SNAPC1: variants seen among roughly 807,000 people sequenced by gnomAD.
The protein encoded by SNAPC1 is snRNA-activating protein complex subunit 1.
In SNAPC1, 42 loss-of-function variants were observed where a neutral mutation model predicts 50.1. The observed-to-expected ratio is 0.84, with a 90% CI of 0.65 to 1.08. The LOEUF is 1.08. Ranked by LOEUF, SNAPC1 falls within the 50% of genes least tolerant of loss-of-function variation. SNAPC1 has a pLI of 0.00. For synonymous variants in SNAPC1, 164 were observed against 144.2 expected, an observed-to-expected ratio of 1.14 and a Z score of -0.98; for missense variants, 477 against 427.3, an observed-to-expected ratio of 1.12 and a Z score of -1.02.
At chr14:61,777,867 G>T (rs1232029046) in intron 5 of SNAPC1, among the ~76,000 whole-genome samples, 1 of 152,074 alleles carries the variant, frequency 6.6e-6, no homozygotes, top group Non-Finnish European at 1.5e-5. Context: ...TGAGTTAGGA[G>T]GATTTAAGCA....
chr14:61,770,846 A>G (rs2044984595), intron 4 of SNAPC1, among the ~76,000 whole-genome samples: 1 of 152,062 alleles, frequency 6.6e-6, no homozygotes, highest in East Asian at 1.9e-4. Flanking sequence ...GGCTCAAGTG[A>G]TACTCATGCC....
At chr14:61,789,878 A>G (rs370519649) in intron 8 of SNAPC1, among the ~76,000 whole-genome samples, 2 of 152,308 alleles carry the variant, frequency 1.3e-5, no homozygotes, top group South Asian at 4.1e-4. Context: ...GTAGAATGGT[A>G]GGTAGCTGGG....
At chr14:61,768,014 A>G (rs980448077) in intron 3 of SNAPC1, among the ~76,000 whole-genome samples, 3 of 152,152 alleles carry the variant, frequency 2.0e-5, no homozygotes, top group African/African-American at 2.4e-5. Flanking sequence ...TCCTGACCTC[A>G]GGTGATCCAC....
At chr14:61,770,551 C>T (rs1005876257) in intron 4 of SNAPC1, among the ~76,000 whole-genome samples, 3 of 152,094 alleles carry the variant, frequency 2.0e-5, no homozygotes, top group South Asian at 2.1e-4. Flanking sequence ...GTCGCCCCCA[C>T]GTTGCAATAA....
chr14:61,778,016 T>C (rs1332321083), intron 5 of SNAPC1, 56 bp from the exon 6 acceptor site: 2 of 804,036 alleles, frequency 2.5e-6, no homozygotes, highest in African/African-American at 1.8e-5. Context: ...TTGCAGTTAA[T>C]TGAATTGTAA....
chr14:61,780,951 T>A (rs1477422437), intron 7 of SNAPC1, among the ~76,000 whole-genome samples: 1 of 152,220 alleles, frequency 6.6e-6, no homozygotes, highest in Non-Finnish European at 1.5e-5. Flanking sequence ...ATTCCTTGAA[T>A]AATATGACAA....
rs763380925 is a variant in SNAPC1 at position 61,794,562 on chromosome 14, C to T, written c.1073-387C>T. On this transcript the variant is annotated intron_variant, in intron 9 of 9. Transcript: ENST00000216294. ...CTGGTACTATAGACATGTACCACCA[C>T]GCCCGGCTAATTTTTTGTATTTATT... 2.9e-4 allele frequency among the ~76,000 whole-genome samples: 44 copies of T among 152,082 alleles called. 1 individual carries two copies. The highest frequency in any genetic ancestry group is 2.3e-3 in the South Asian group (11 of 4,816).
intron 4 of SNAPC1, among the ~76,000 whole-genome samples, chr14:61,772,472 T>G (rs1205166528): frequency 1.3e-5 from 2 of 152,236 alleles, no homozygotes; most frequent in Non-Finnish European, 2.9e-5. Context: ...CTTGAACTCC[T>G]GACCTTGTGA....
At chr14:61,793,322 C>CGACCTCCCCGGCTCAGGCT (rs1301476591) in intron 9 of SNAPC1, among the ~76,000 whole-genome samples, 49 of 151,864 alleles carry the variant, frequency 3.2e-4, no homozygotes, top group African/African-American at 1.2e-3. Flanking sequence ...ACTACAGCTT[C>CGACCTCCCCGGCTCAGGCT]GACCTCCCCG....
At chr14:61,779,232 T>G (rs1368100601) in intron 7 of SNAPC1, among the ~76,000 whole-genome samples, 3 of 152,236 alleles carry the variant, frequency 2.0e-5, no homozygotes, top group Non-Finnish European at 4.4e-5. Context: ...CCTGGAGTTC[T>G]GAAATTTCAT....
At chr14:61,793,542 C>T (rs1327066534) in intron 9 of SNAPC1, among the ~76,000 whole-genome samples, 2 of 151,978 alleles carry the variant, frequency 1.3e-5, no homozygotes, top group African/African-American at 2.4e-5. Context: ...CGTGCCTGGC[C>T]TAGGAATTTG....
In SNAPC1 at chr14:61,778,683, T is replaced by G. The variant is rs2045051652; in HGVS notation, c.763-165T>G. Among the ~76,000 whole-genome samples the G allele has an allele frequency of 2.0e-5, 3 of 152,248 alleles. No homozygotes were observed. In the South Asian group the frequency reaches 6.2e-4, roughly 32 times the overall value. On this transcript the variant is annotated intron_variant, in intron 6 of 9. Coordinates refer to ENST00000216294, the MANE Select transcript of SNAPC1 (RefSeq NM_003082.4). ...CTGCTACATCTGTGAGAGAATATGA[T>G]GTATGTTTATGTGTGTGTACTCAAT...
chr14:61,768,420 A>G (rs2044964435), intron 3 of SNAPC1, among the ~76,000 whole-genome samples: 1 of 152,198 alleles, frequency 6.6e-6, no homozygotes. Context: ...TTTCTGTCTT[A>G]TCTGAATTTG....
At position 61,795,217 on chromosome 14, in the gene SNAPC1, A is replaced by T; in HGVS notation, c.*234A>T. Reference sequence around the variant, plus strand: ...ATAAATGGAGATAAAACTTGTATTTAGTATGTAATAGAAAAAATTCTGTTA... The same window carrying T: ...ATAAATGGAGATAAAACTTGTATTTTGTATGTAATAGAAAAAATTCTGTTA... On this transcript the variant is annotated 3_prime_UTR_variant, in exon 10 of 10. Transcript: ENST00000216294. The T allele has an allele frequency of 2.2e-6, 1 of 459,326 alleles. No homozygotes were observed. The highest frequency in any genetic ancestry group is 3.2e-5 in the South Asian group (1 of 31,012). The allele number at this position is 459,326 out of a possible 1,614,324, so 28.5% of individuals were successfully genotyped here. A position where few individuals can be genotyped will look rare whatever the true frequency, so the allele number is the denominator to read the frequency against.
At chr14:61,794,882 G>A in intron 9 of SNAPC1, 67 bp from the exon 10 acceptor site, 1 of 1,077,800 alleles carries the variant, frequency 9.3e-7, no homozygotes, top group South Asian at 1.3e-5. Flanking sequence ...GTAAGTGTCA[G>A]TTGTTTTTTT....
rs372646243 is a variant in SNAPC1 at position 61,782,206 on chromosome 14, C to G, written c.826-41C>G. On this transcript the variant is annotated intron_variant, in intron 7 of 9. Coordinates refer to ENST00000216294, the MANE Select transcript of SNAPC1 (RefSeq NM_003082.4). ...TCCTCTCAATTTTATCATTTGGATT[C>G]ATTTTATAATTTATTGGTTAATTGG... The G allele has an allele frequency of 5.7e-5, 80 of 1,411,362 alleles. No homozygotes were observed. In the African/African-American group the frequency reaches 1.1e-3, roughly 20 times the overall value. 87.4% of individuals were successfully genotyped at this position (1,411,362 alleles called of 1,614,324 possible).
chr14:61,777,174 G>A (rs1417906112), intron 5 of SNAPC1, among the ~76,000 whole-genome samples: 1 of 152,028 alleles, frequency 6.6e-6, no homozygotes, highest in Non-Finnish European at 1.5e-5. Flanking sequence ...GTTATATAAA[G>A]GAAGCTGGCT....
intron 4 of SNAPC1, 90 bp from the exon 5 acceptor site, chr14:61,776,005 A>G (rs2045032749): frequency 1.1e-6 from 1 of 952,192 alleles, no homozygotes; most frequent in South Asian, 1.7e-5. Context: ...ACTGGAAGTC[A>G]CTTTGGAAGG....
chr14:61,770,458 G>A (rs947391479), intron 4 of SNAPC1, among the ~76,000 whole-genome samples: 1 of 151,956 alleles, frequency 6.6e-6, no homozygotes, highest in African/African-American at 2.4e-5. Context: ...TGACCAGGTT[G>A]GTCTTGAACT....
Sources: gnomAD v4.1 joint callset for allele counts (sites outside exome capture counted in the v4.1 genomes callset) on GRCh38, gnomAD v4.1.1 for gene constraint, MANE v1.5 for transcripts, NCBI Gene and HGNC (gene_info 2026-07-23, HGNC 2026-07-21) for gene names.